The following HIGD2A variants were observed in gnomAD, a reference collection of about 807,000 sequenced individuals.
HIGD2A encodes HIG1 domain family member 2A, mitochondrial.
Under a neutral mutation model 6.3 loss-of-function variants are expected in HIGD2A, and 4 were observed. That is an observed-to-expected ratio of 0.64 (90% confidence interval 0.31 to 1.46). The LOEUF (loss-of-function observed/expected upper bound fraction) is 1.46, where lower values mean the gene tolerates loss of function less well. HIGD2A is among the 40% of genes most tolerant of loss of function. HIGD2A has a pLI of 0.07. For synonymous variants in HIGD2A, 63 were observed against 59.3 expected (o/e 1.06, Z -0.29); for missense variants, 143 against 144.8 (o/e 0.99, Z 0.06).
rs921382613 is a variant in HIGD2A at position 176,388,763 on chromosome 5, C to A, written c.-57C>A. On this transcript the variant is annotated 5_prime_UTR_variant, in exon 1 of 2. Transcript: ENST00000274787. ...TTCGTTTCCCCGCCCCTTTCATGAC[C>A]TTCACCGGGAGGCTGAGGTCGGAGT... 3 of 1,589,204 alleles carry A rather than the reference C, an allele frequency of 1.9e-6. No homozygotes were observed. In the Admixed American group the frequency reaches 5.4e-5, roughly 29 times the overall value.
In HIGD2A at chr5:176,388,775, G is replaced by C. The variant is rs1756114148; in HGVS notation, c.-45G>C. The C allele has an allele frequency of 6.3e-7, 1 of 1,598,518 alleles. No homozygotes were observed. The highest frequency in any genetic ancestry group is 1.3e-5 in the African/African-American group (1 of 74,110). ...CCCCTTTCATGACCTTCACCGGGAG[G>C]CTGAGGTCGGAGTCCCGATTTTCTC... On this transcript the variant is annotated 5_prime_UTR_variant, in exon 1 of 2. Coordinates refer to ENST00000274787, the MANE Select transcript of HIGD2A (RefSeq NM_138820.4).
chr5:176,389,182 TAA>T (rs1398328100), intron 1 of HIGD2A, 147 bp from the exon 2 acceptor site: 42 of 1,092,040 alleles, frequency 3.8e-5, no homozygotes, highest in Non-Finnish European at 5.6e-5. Context: ...GAGGACTCTG[TAA>T]CTAGGAAGAC....
chr5:176,389,069 A>G (rs1294458934), intron 1 of HIGD2A, 96 bp downstream of exon 1: 46 of 1,466,116 alleles, frequency 3.1e-5, no homozygotes, highest in Non-Finnish European at 4.0e-5. Context: ...GAGCGGAAGG[A>G]GAGCGGACTA....
intron 1 of HIGD2A, 114 bp from the exon 2 acceptor site, chr5:176,389,217 G>T (rs1216294082): frequency 1.5e-6 from 2 of 1,314,912 alleles, no homozygotes; most frequent in Non-Finnish European, 2.1e-6. Flanking sequence ...TACCCTCGCC[G>T]CCCTCCCTCC....
rs1561787447 is a variant in HIGD2A, at chr5:176,389,675, T to C, written c.*178T>C. 10 of 585,384 alleles carry C rather than the reference T, an allele frequency of 1.7e-5. No individual in the cohort carries two copies. Among genetic ancestry groups the C allele is most frequent in the Non-Finnish European group, 2.6e-5 (9 of 341,990 alleles). 36.3% of individuals were successfully genotyped at this position (585,384 alleles called of 1,614,324 possible). On this transcript the variant is annotated 3_prime_UTR_variant, in exon 2 of 2. Transcript: ENST00000274787. The stretch of plus-strand genomic sequence containing the variant: ...GTTTTTTCAAAAATCCTAGATGCTG[T>C]TGTTTGAATGTTACATACTTCTATT...
intron 1 of HIGD2A, 116 bp downstream of exon 1, chr5:176,389,089 C>T: frequency 3.7e-6 from 5 of 1,362,522 alleles, no homozygotes; most frequent in South Asian, 2.6e-5. Context: ...AGAGAAGAGA[C>T]GAGGGGGCGG....
Position 176,389,640 on chromosome 5 carries a change from G to A in HIGD2A, c.*143G>A. 1 of 857,050 alleles carries A rather than the reference G, an allele frequency of 1.2e-6. No homozygotes were observed. The highest frequency in any genetic ancestry group is 1.7e-6 in the Non-Finnish European group (1 of 576,374). The allele number at this position is 857,050 out of a possible 1,614,324, so 53.1% of individuals were successfully genotyped here. ...GGAGGAAGTGACCCTTTGTGTAACT[G>A]TAACCGAAAGTTTTTTCAAAAATCC... On this transcript the variant is annotated 3_prime_UTR_variant, in exon 2 of 2. Coordinates refer to ENST00000274787, the MANE Select transcript of HIGD2A (RefSeq NM_138820.4).
In HIGD2A at chr5:176,388,892, A is replaced by C; in HGVS notation, c.73A>C (p.Ser25Arg). The C allele has an allele frequency of 6.2e-7, 1 of 1,614,164 alleles. No individual in the cohort carries two copies. Among genetic ancestry groups the C allele is most frequent in the Non-Finnish European group, 8.5e-7 (1 of 1,180,032 alleles). ...GAAGCCTCCAGTCATTGAGGGGCTG[A>C]GCCCCACTGTTTACAGGAATCCAGA... ...PSKPPVIEGL[S>R]PTVYRNPESF... is the part of the protein sequence containing the mutation. Residue 25 changes from serine (S) to arginine (R), a missense_variant, in exon 1 of 2, where the codon AGC becomes CGC. Coordinates refer to ENST00000274787, the MANE Select transcript of HIGD2A (RefSeq NM_138820.4).
Position 176,389,363 on chromosome 5 carries a change from G to C in HIGD2A, c.187G>C (p.Gly63Arg), listed in dbSNP as rs753116024. The change falls in exon 2 of 2, where the codon GGC (glycine) becomes CGC (arginine). Residue 63 changes from glycine (G) to arginine (R), a missense_variant. Coordinates refer to ENST00000274787, the MANE Select transcript of HIGD2A (RefSeq NM_138820.4). Reference sequence around the variant, plus strand: ...GGCCACGGCGGCCGCCCTCACCTACGGCCTCTACTCCTTCCACCGGGGCAA... The same window carrying C: ...GGCCACGGCGGCCGCCCTCACCTACCGCCTCTACTCCTTCCACCGGGGCAA... ...CLATAAALTY[G>R]LYSFHRGNSQ... 2 of 1,613,902 alleles carry C rather than the reference G, an allele frequency of 1.2e-6. No homozygotes were observed. The highest frequency in any genetic ancestry group is 1.7e-6 in the Non-Finnish European group (2 of 1,179,950).
chr5:176,389,698 A>G lies in HIGD2A; in HGVS notation c.*201A>G, dbSNP rs1756182113. ...TGTTGTTTGAATGTTACATACTTCT[A>G]TTTGTGCCACATCTCCCCTCCACTC... On this transcript the variant is annotated 3_prime_UTR_variant, in exon 2 of 2. Transcript: ENST00000274787. 9.8e-6 allele frequency: 5 copies of G among 512,782 alleles called. No individual in the cohort carries two copies. Among genetic ancestry groups the G allele is most frequent in the South Asian group, 9.5e-5 (3 of 31,514 alleles). The allele number at this position is 512,782 out of a possible 1,614,324, so 31.8% of individuals were successfully genotyped here. A position where few individuals can be genotyped will look rare whatever the true frequency, so the allele number is the denominator to read the frequency against.
chr5:176,389,308 C>G (rs748740682), intron 1 of HIGD2A, 23 bp from the exon 2 acceptor site: 2 of 1,602,008 alleles, frequency 1.2e-6, no homozygotes, highest in South Asian at 2.2e-5. Context: ...TGCTGTTTCC[C>G]AGTTGCTTTG....
intron 1 of HIGD2A, 101 bp from the exon 2 acceptor site, chr5:176,389,230 T>C (rs1756158717): frequency 2.2e-6 from 3 of 1,395,036 alleles, no homozygotes; most frequent in Non-Finnish European, 2.0e-6. Flanking sequence ...CTCCCTCCGC[T>C]GTGATCCAGA....
At chr5:176,389,106 G>T in intron 1 of HIGD2A, 133 bp downstream of exon 1, 1 of 1,266,880 alleles carries the variant, frequency 7.9e-7, no homozygotes, top group Non-Finnish European at 1.1e-6. Context: ...GCGGGGCGGT[G>T]AGGGGCGAAA....
intron 1 of HIGD2A, among the ~76,000 whole-genome samples, 158 bp from the exon 2 acceptor site, chr5:176,389,173 A>G (rs1017010098): frequency 3.9e-5 from 6 of 152,036 alleles, no homozygotes; most frequent in Admixed American, 1.3e-4. Flanking sequence ...TAAGATTGGG[A>G]GGACTCTGTA....
intron 1 of HIGD2A, 137 bp from the exon 2 acceptor site, chr5:176,389,194 C>G: frequency 8.7e-7 from 1 of 1,145,974 alleles, no homozygotes; most frequent in Non-Finnish European, 1.2e-6. Flanking sequence ...ACTAGGAAGA[C>G]CTCGACTCGA....
chr5:176,389,046 G>C, intron 1 of HIGD2A, 73 bp downstream of exon 1: 1 of 1,571,430 alleles, frequency 6.4e-7, no homozygotes, highest in East Asian at 2.2e-5. Flanking sequence ...AGAAGGACCA[G>C]AGCGCTAGCG....
At position 176,389,408 on chromosome 5, in the gene HIGD2A, A is replaced by C. The variant is rs745765668; in HGVS notation, c.232A>C (p.Met78Leu). The C allele has an allele frequency of 3.8e-5, 62 of 1,614,154 alleles. No individual in the cohort carries two copies. Among genetic ancestry groups the C allele is most frequent in the Middle Eastern group, 1.6e-4 (1 of 6,062 alleles). Residue 78 changes from methionine to leucine, a missense_variant, in exon 2 of 2, where the codon ATG becomes CTG. By Grantham distance (15) the Met-to-Leu change is conservative. Coordinates refer to ENST00000274787, the MANE Select transcript of HIGD2A (RefSeq NM_138820.4). ...GGGCAACAGCCAGCGCTCTCAGCTC[A>C]TGATGCGCACCCGGATCGCCGCCCA... ...HRGNSQRSQL[M>L]MRTRIAAQGF...
Position 176,388,776 on chromosome 5 carries a change from C to A in HIGD2A, c.-44C>A. Reference sequence around the variant, plus strand: ...CCCTTTCATGACCTTCACCGGGAGGCTGAGGTCGGAGTCCCGATTTTCTCC... The same window carrying A: ...CCCTTTCATGACCTTCACCGGGAGGATGAGGTCGGAGTCCCGATTTTCTCC... On this transcript the variant is annotated 5_prime_UTR_variant, in exon 1 of 2. The change creates a new upstream start codon in the 5' untranslated region. Coordinates refer to ENST00000274787, the MANE Select transcript of HIGD2A (RefSeq NM_138820.4). 6.3e-7 allele frequency: 1 copy of A among 1,598,664 alleles called. No individual in the cohort carries two copies. The highest frequency in any genetic ancestry group is 8.5e-7 in the Non-Finnish European group (1 of 1,173,018).
In HIGD2A at chr5:176,389,463, G is replaced by A; in HGVS notation, c.287G>A (p.Gly96Asp). Residue 96 changes from glycine (G) to aspartate (D), a missense_variant, in exon 2 of 2, where the codon GGT becomes GAT. Transcript: ENST00000274787. ...QGFTVAAILL[G>D]LAVTAMKSRP is the part of the protein sequence containing the mutation. ...TTCACGGTCGCAGCCATCTTGCTGG[G>A]TCTGGCTGTCACTGCTATGAAGTCT... 1 of 1,614,102 alleles carries A rather than the reference G, an allele frequency of 6.2e-7. No homozygotes were observed. The highest frequency in any genetic ancestry group is 8.5e-7 in the Non-Finnish European group (1 of 1,180,000).
Sources: gnomAD v4.1 joint callset for allele counts (sites outside exome capture counted in the v4.1 genomes callset) on GRCh38, gnomAD v4.1.1 for gene constraint, MANE v1.5 for transcripts, NCBI Gene and HGNC (gene_info 2026-07-23, HGNC 2026-07-21) for gene names.